Variants in USP32 observed in about 807,000 individuals in gnomAD.
The protein encoded by USP32 is ubiquitin specific peptidase 32.
USP32 carries 59 observed loss-of-function variants against 204.8 expected under a neutral mutation model. The ratio of observed to expected loss-of-function variants is 0.29; its 90% confidence interval spans 0.23 to 0.36. The LOEUF (loss-of-function observed/expected upper bound fraction) is 0.36. Ranked by LOEUF, USP32 falls within the 10% of genes least tolerant of loss-of-function variation. The probability of loss-of-function intolerance (pLI) is 1.00; values close to 1 mark genes in which losing one functional copy is unlikely to be tolerated. For missense variants in USP32, 1,160 were observed against 1,946.4 expected, an observed-to-expected ratio of 0.60 and a Z score of 7.60; for synonymous variants, 517 against 678.4, an observed-to-expected ratio of 0.76 and a Z score of 3.70.
chr17:60,194,777 T>C (rs150592297), intron 27 of USP32, among the ~76,000 whole-genome samples: 1 of 152,288 alleles, frequency 6.6e-6, no homozygotes, highest in Non-Finnish European at 1.5e-5. Flanking sequence ...CACCACCTCC[T>C]ATCTTTTTGG....
At position 60,349,625 on chromosome 17, in the gene USP32, T is replaced by TACATATATATACAC. The variant is rs2088893462; in HGVS notation, c.59-4018_59-4017insGTGTATATATATGT. On this transcript the variant is annotated intron_variant, in intron 1 of 33. Coordinates refer to ENST00000300896, the MANE Select transcript of USP32 (RefSeq NM_032582.4). ...TATATATATATATATATATATATATTATATATATATATATATATTATATAT... is the reference window on the plus strand; with the variant it reads ...TATATATATATATATATATATATATTACATATATATACACATATATATATATATATATTATATAT... Among the ~76,000 whole-genome samples the TACATATATATACAC allele has an allele frequency of 9.5e-5, 5 of 52,692 alleles. No individual in the cohort carries two copies. The African/African-American group carries it at 1.1e-3, about 12-fold the overall frequency. 34.6% of individuals were successfully genotyped at this position (52,692 alleles called of 152,430 possible). A position where few individuals can be genotyped will look rare whatever the true frequency, so the allele number is the denominator to read the frequency against.
chr17:60,301,968 C>G (rs2087588289), intron 2 of USP32, among the ~76,000 whole-genome samples: 1 of 152,082 alleles, frequency 6.6e-6, no homozygotes, highest in Admixed American at 6.6e-5. Context: ...GAAAGTGATA[C>G]ACATTCAGTA....
At chr17:60,364,280 C>T (rs2089271239) in intron 1 of USP32, among the ~76,000 whole-genome samples, 1 of 152,180 alleles carries the variant, frequency 6.6e-6, no homozygotes, top group Non-Finnish European at 1.5e-5. Context: ...CATACAATCA[C>T]ATTGGGAATT....
intron 1 of USP32, among the ~76,000 whole-genome samples, chr17:60,371,583 T>A (rs973457862): frequency 2.6e-5 from 4 of 150,964 alleles, no homozygotes; most frequent in Non-Finnish European, 4.4e-5. Context: ...AAAAAAAAAA[T>A]TAAATGAAAC....
chr17:60,304,361 T>TA (rs1010573241), intron 2 of USP32, among the ~76,000 whole-genome samples: 24 of 150,926 alleles, frequency 1.6e-4, no homozygotes, highest in Non-Finnish European at 2.7e-4. Context: ...TTTATTTTTT[T>TA]ATTTTTTTTT....
intron 1 of USP32, among the ~76,000 whole-genome samples, chr17:60,375,127 C>T (rs1264963457): frequency 6.6e-6 from 1 of 152,082 alleles, no homozygotes; most frequent in East Asian, 1.9e-4. Context: ...TACAAAAGTG[C>T]TGTTGGTGGC....
At position 60,254,226 on chromosome 17, in the gene USP32, C is replaced by T. The variant is rs139499854; in HGVS notation, c.1074+949G>A. ...TATAAATTATCTTTAAAAATCAGAG[C>T]GAGGGAATTAGTTTAACTAGGACAA... On this transcript the variant is annotated intron_variant, in intron 10 of 33. Transcript: ENST00000300896. Among the ~76,000 whole-genome samples the T allele has an allele frequency of 2.2e-3, 339 of 152,210 alleles. 1 individual carries two copies. Among genetic ancestry groups the T allele is most frequent in the African/African-American group, 7.6e-3 (314 of 41,530 alleles).
At chr17:60,370,649 C>A (rs1402125562) in intron 1 of USP32, among the ~76,000 whole-genome samples, 3 of 151,606 alleles carry the variant, frequency 2.0e-5, no homozygotes, top group Non-Finnish European at 4.4e-5. Flanking sequence ...CACCCAACCA[C>A]TCAGGAGGAG....
At chr17:60,284,174 C>A (rs1016065369) in intron 5 of USP32, among the ~76,000 whole-genome samples, 1 of 150,274 alleles carries the variant, frequency 6.7e-6, no homozygotes, top group Non-Finnish European at 1.5e-5. Flanking sequence ...AATCAATGTA[C>A]AGGAATATTT....
intron 27 of USP32, among the ~76,000 whole-genome samples, chr17:60,193,849 C>T (rs986490200): frequency 5.3e-5 from 8 of 152,184 alleles, no homozygotes; most frequent in Non-Finnish European, 1.2e-4. Flanking sequence ...TCATTGATAG[C>T]CTGTACTGTC....
chr17:60,267,121 T>C (rs903427373), intron 7 of USP32, among the ~76,000 whole-genome samples: 2 of 151,618 alleles, frequency 1.3e-5, no homozygotes, highest in Non-Finnish European at 2.9e-5. Flanking sequence ...AAATATCCTA[T>C]TTACAGCTGG....
Position 60,183,400 on chromosome 17 carries a change from C to A in USP32, c.3888G>T (p.Gln1296His), listed in dbSNP as rs774620547. Reference sequence around the variant, plus strand: ...TTTCCCGAGGAAATTTGACAATTTTCTGTGATTTTATCCACCGACCATTTA... The same window carrying A: ...TTTCCCGAGGAAATTTGACAATTTTATGTGATTTTATCCACCGACCATTTA... ...QFVNGRWIKS[Q>H]KIVKFPRESF... Residue 1296 changes from glutamine (Q) to histidine (H), a missense_variant, in exon 31 of 34, where the codon CAG becomes CAT. Gln to His is a conservative substitution (Grantham distance 24, BLOSUM62 0). This residue lies in a region of USP32 where 160 missense variants were observed against 322.5 expected (regional missense o/e 0.50). Transcript: ENST00000300896. 5.0e-6 allele frequency: 8 copies of A among 1,613,322 alleles called. No homozygotes were observed. In the East Asian group the frequency reaches 1.8e-4, roughly 36 times the overall value.
Position 60,301,650 on chromosome 17 carries a change from T to C in USP32, c.241A>G (p.Ile81Val), listed in dbSNP as rs747517331. ...TSKGLHFNNL[I>V]VGLVLLTRGK... ...CTTGTAAGGAGGACAAGTCCAACTA[T>C]TAAATTATTGAAGTGCAGCCCTTTG... The change falls in exon 3 of 34, where the codon ATA becomes GTA. Residue 81 changes from isoleucine (I) to valine (V), a missense_variant. By Grantham distance (29) the Ile-to-Val change is conservative. Coordinates refer to ENST00000300896, the MANE Select transcript of USP32 (RefSeq NM_032582.4). 1 of 1,598,052 alleles carries C rather than the reference T, an allele frequency of 6.3e-7. No homozygotes were observed. Among genetic ancestry groups the C allele is most frequent in the Non-Finnish European group, 8.5e-7 (1 of 1,176,248 alleles).
intron 16 of USP32, among the ~76,000 whole-genome samples, chr17:60,219,263 G>T (rs2085179515): frequency 6.6e-6 from 1 of 152,110 alleles, no homozygotes; most frequent in Non-Finnish European, 1.5e-5. Flanking sequence ...AATTTGAGTG[G>T]AGTTGAAAAG....
At chr17:60,383,235 CAAA>C (rs11300967) in intron 1 of USP32, among the ~76,000 whole-genome samples, 1 of 74,034 alleles carries the variant, frequency 1.4e-5, no homozygotes, top group Non-Finnish European at 3.5e-5. Flanking sequence ...GACATCGTCC[CAAA>C]AAAAAAAAAA....
intron 27 of USP32, among the ~76,000 whole-genome samples, chr17:60,193,694 C>T (rs1369579984): frequency 6.6e-6 from 1 of 152,258 alleles, no homozygotes; most frequent in East Asian, 1.9e-4. Context: ...GCATACTTTA[C>T]AGCTCATCTG....
intron 11 of USP32, among the ~76,000 whole-genome samples, chr17:60,247,599 C>T (rs1388859590): frequency 6.6e-6 from 1 of 152,114 alleles, no homozygotes; most frequent in African/African-American, 2.4e-5. Flanking sequence ...TGTCCTTTCT[C>T]TAATGTATGC....
chr17:60,333,844 T>G (rs1461716999), intron 2 of USP32, among the ~76,000 whole-genome samples: 1 of 152,216 alleles, frequency 6.6e-6, no homozygotes, highest in African/African-American at 2.4e-5. Context: ...CTGTCTGAAG[T>G]GGCAGGCAAC....
intron 4 of USP32, among the ~76,000 whole-genome samples, chr17:60,288,932 A>G (rs757511110): frequency 9.9e-5 from 15 of 152,238 alleles, no homozygotes; most frequent in Non-Finnish European, 1.8e-4. Context: ...CAATTCAGTA[A>G]AGCAGTACAC....
Sources: gnomAD v4.1 joint callset for allele counts (sites outside exome capture counted in the v4.1 genomes callset) on GRCh38, gnomAD v4.1.1 for gene constraint, gnomAD v4.1.1 regional missense constraint, MANE v1.5 for transcripts, NCBI Gene and HGNC (gene_info 2026-07-23, HGNC 2026-07-21) for gene names.